IL3RA: variants seen among roughly 807,000 people sequenced by gnomAD.
The protein encoded by IL3RA is interleukin 3 receptor subunit alpha.
A neutral mutation model predicts 52.3 loss-of-function variants in IL3RA; 73 were observed. The observed-to-expected ratio is 1.40, with a 90% CI of 1.16 to 1.70. The LOEUF (loss-of-function observed/expected upper bound fraction) is 1.70. Ranked by LOEUF, IL3RA falls within the 40% of genes most tolerant of loss-of-function variation. The pLI, the probability that IL3RA is intolerant of heterozygous loss-of-function variation, is 0.00. For synonymous variants in IL3RA, 260 were observed against 194.0 expected (o/e 1.34, Z -2.83); for missense variants, 664 against 504.4 (o/e 1.32, Z -3.03).
At chrX:1,368,008 G>A (rs139194984) in intron 9 of IL3RA, among the ~76,000 whole-genome samples, 1 of 152,038 alleles carries the variant, frequency 6.6e-6, no homozygotes, top group African/African-American at 2.4e-5. Context: ...ACACCCCCTG[G>A]GCCTTGTAAT....
chrX:1,356,918 T>C (rs1336638060), intron 7 of IL3RA, among the ~76,000 whole-genome samples: 1 of 152,186 alleles, frequency 6.6e-6, no homozygotes, highest in Non-Finnish European at 1.5e-5. Flanking sequence ...TTCCCAGATA[T>C]TTTTGATCCA....
At chrX:1,360,595 T>G (rs1282290138) in intron 8 of IL3RA, among the ~76,000 whole-genome samples, 1 of 152,080 alleles carries the variant, frequency 6.6e-6, no homozygotes, top group Non-Finnish European at 1.5e-5. Flanking sequence ...CTCGGCTCAC[T>G]GCAACCTCCG....
At chrX:1,353,974 CCA>C (rs200174162) in intron 6 of IL3RA, among the ~76,000 whole-genome samples, 4,005 of 80,482 alleles carry the variant, frequency 0.05, 621 homozygotes, top group Non-Finnish European at 0.059. Flanking sequence ...CGTGGGACCC[CCA>C]CCCCCATCAT....
At chrX:1,361,947 G>A (rs762237827) in intron 8 of IL3RA, among the ~76,000 whole-genome samples, 1 of 151,888 alleles carries the variant, frequency 6.6e-6, no homozygotes, top group Admixed American at 6.6e-5. Flanking sequence ...GATGAGATTT[G>A]GGTGGGGACA....
rs372640843 is a variant in IL3RA, at chrX:1,358,385, C to T, written c.733-476C>T. On this transcript the variant is annotated intron_variant, in intron 7 of 11. Coordinates refer to ENST00000331035, the MANE Select transcript of IL3RA (RefSeq NM_002183.4). Reference sequence around the variant, plus strand: ...CCCATAAGAAACCTTTTGGGCCAGGCGCGATGGGGCATGCCTGTAATCCCA... The same window carrying T: ...CCCATAAGAAACCTTTTGGGCCAGGTGCGATGGGGCATGCCTGTAATCCCA... Among the ~76,000 whole-genome samples, 26 of 151,280 alleles carry T rather than the reference C, an allele frequency of 1.7e-4. No homozygotes were observed. In the East Asian group the frequency reaches 2.0e-3, roughly 12 times the overall value.
intron 9 of IL3RA, among the ~76,000 whole-genome samples, chrX:1,368,056 G>T (rs1367141177): frequency 6.6e-6 from 1 of 152,072 alleles, no homozygotes; most frequent in Non-Finnish European, 1.5e-5. Context: ...TCAGGAGATC[G>T]AGACCATCCC....
rs1222241559 is a variant in IL3RA at position 1,380,939 on chromosome X, C to T, written c.981-84C>T. On this transcript the variant is annotated intron_variant, in intron 10 of 11. Coordinates refer to ENST00000331035, the MANE Select transcript of IL3RA (RefSeq NM_002183.4). ...TTGAGTCTTTTGCTCTGTCCTGGCA[C>T]TGTCTGTCCTGGACACGCTGTGTCC... 4.3e-6 allele frequency: 5 copies of T among 1,174,606 alleles called. No individual in the cohort carries two copies. The African/African-American group carries it at 7.9e-5, about 19-fold the overall frequency. 72.8% of individuals were successfully genotyped at this position (1,174,606 alleles called of 1,614,324 possible). A position where few individuals can be genotyped will look rare whatever the true frequency, so the allele number is the denominator to read the frequency against.
In IL3RA at chrX:1,365,203, G is replaced by C. The variant is rs1219286774; in HGVS notation, c.825G>C (p.Arg275=). The C allele has an allele frequency of 1.9e-6, 3 of 1,611,592 alleles. No homozygotes were observed. The highest frequency in any genetic ancestry group is 2.5e-6 in the Non-Finnish European group (3 of 1,179,120). ...CGTACACAGTACAAATAAGAGCCCG[G>C]GAAAGAGTGTATGAATTCTTGAGCG... ...PGTYTVQIRA[R]ERVYEFLSAW... Residue 275 remains arginine (R), a synonymous_variant, in exon 9 of 12, where the codon CGG becomes CGC. Coordinates refer to ENST00000331035, the MANE Select transcript of IL3RA (RefSeq NM_002183.4).
chrX:1,363,292 G>C (rs1281440440), intron 8 of IL3RA, among the ~76,000 whole-genome samples: 101 of 148,798 alleles, frequency 6.8e-4, no homozygotes, highest in African/African-American at 2.4e-3. Flanking sequence ...AATATGAATG[G>C]TCTTTTCTTC....
intron 8 of IL3RA, among the ~76,000 whole-genome samples, chrX:1,359,190 G>T (rs1481104370): frequency 6.6e-6 from 1 of 151,904 alleles, no homozygotes; most frequent in Non-Finnish European, 1.5e-5. Context: ...GGCTGGCCAG[G>T]TGCTGTCCAA....
At chrX:1,382,241 G>T (rs1270534614) in intron 11 of IL3RA, 150 bp from the exon 12 acceptor site, 1 of 731,150 alleles carries the variant, frequency 1.4e-6, no homozygotes, top group Non-Finnish European at 2.4e-6. Flanking sequence ...GACCCACCGC[G>T]CCTGGCCCAA....
At chrX:1,368,666 G>A (rs1426972843) in intron 9 of IL3RA, among the ~76,000 whole-genome samples, 3 of 152,114 alleles carry the variant, frequency 2.0e-5, no homozygotes, top group African/African-American at 4.8e-5. Flanking sequence ...ATAAGAAGAG[G>A]AGATGAGGAC....
At chrX:1,381,328 G>A (rs752459014) in intron 11 of IL3RA, among the ~76,000 whole-genome samples, 4 of 152,216 alleles carry the variant, frequency 2.6e-5, no homozygotes, top group South Asian at 4.1e-4. Context: ...AACCCGGGAG[G>A]TGGAGGCTGC....
chrX:1,366,425 G>C (rs2088043440), intron 9 of IL3RA, among the ~76,000 whole-genome samples: 1 of 50,544 alleles, frequency 2.0e-5, no homozygotes, highest in Non-Finnish European at 3.6e-5. Context: ...CGGGGTGCGC[G>C]GGGTGAGCGG....
intron 1 of IL3RA, among the ~76,000 whole-genome samples, chrX:1,337,844 C>T (rs1367550624): frequency 6.6e-6 from 1 of 151,272 alleles, no homozygotes; most frequent in Non-Finnish European, 1.5e-5. Flanking sequence ...GCTTTATTCA[C>T]AATAGCCAAG....
intron 9 of IL3RA, among the ~76,000 whole-genome samples, chrX:1,367,561 T>TGA: frequency 1.1e-5 from 1 of 90,268 alleles, no homozygotes; most frequent in Admixed American, 1.1e-4. Context: ...GTGCGCGGGG[T>TGA]GCGCCGGGTG....
At chrX:1,379,225 G>A (rs1394804150) in intron 10 of IL3RA, among the ~76,000 whole-genome samples, 3 of 151,424 alleles carry the variant, frequency 2.0e-5, no homozygotes, top group East Asian at 1.9e-4. Flanking sequence ...GCTCGATCTC[G>A]GCTCACCGCA....
chrX:1,342,559 C>CT (rs751414193), intron 2 of IL3RA, among the ~76,000 whole-genome samples: 38,903 of 111,302 alleles, frequency 0.35, 7,403 homozygotes, highest in African/African-American at 0.45. Context: ...TCTTTAACTT[C>CT]TTTTTTTTTT....
intron 9 of IL3RA, among the ~76,000 whole-genome samples, chrX:1,367,500 C>A (rs1380864240): frequency 6.4e-5 from 4 of 62,074 alleles, no homozygotes; most frequent in African/African-American, 2.5e-4. Flanking sequence ...GAGCCGGGTG[C>A]GCGGGGTGAG....
Sources: allele counts gnomAD v4.1 joint callset (sites outside exome capture counted in the v4.1 genomes callset), GRCh38; gene constraint gnomAD v4.1.1; transcripts MANE v1.5; gene names NCBI Gene and HGNC (gene_info 2026-07-23, HGNC 2026-07-21).